Variants in GRB10 observed in about 807,000 individuals in gnomAD.
GRB10 encodes the protein growth factor receptor bound protein 10, also known as growth factor receptor-bound protein 10.
Under a neutral mutation model 80.9 loss-of-function variants are expected in GRB10, and 20 were observed. The ratio of observed to expected loss-of-function variants is 0.25; its 90% CI spans 0.17 to 0.36. The LOEUF (loss-of-function observed/expected upper bound fraction) is 0.36. GRB10 is among the 10% of genes least tolerant of loss of function. GRB10 has a pLI of 1.00. For missense variants in GRB10, 548 were observed against 747.7 expected (o/e 0.73, Z 3.12); for synonymous variants, 291 against 291.5 (o/e 1.00, Z 0.02).
At chr7:50,748,936 T>TA (rs1482160974) in intron 3 of GRB10, among the ~76,000 whole-genome samples, 1 of 152,174 alleles carries the variant, frequency 6.6e-6, no homozygotes, top group Admixed American at 6.5e-5. Flanking sequence ...CTCTACTTTA[T>TA]AAAGAGGTGC....
At chr7:50,636,465 A>G (rs960044194) in intron 7 of GRB10, among the ~76,000 whole-genome samples, 1 of 152,218 alleles carries the variant, frequency 6.6e-6, no homozygotes, top group Non-Finnish European at 1.5e-5. Context: ...ATAAAAACAT[A>G]GATGCAAAAA....
At chr7:50,772,685 G>A (rs60877714) in intron 2 of GRB10, among the ~76,000 whole-genome samples, 10,733 of 152,226 alleles carry the variant, frequency 0.071, 466 homozygotes, top group East Asian at 0.2. Context: ...TCTTTATATG[G>A]ACATTGGATT....
Position 50,591,558 on chromosome 7 carries a change from C to A in GRB10, c.*1394G>T, listed in dbSNP as rs1292545908. 6.6e-6 allele frequency: 1 copy of A among 152,284 alleles called. No homozygotes were observed. Among genetic ancestry groups the A allele is most frequent in the Non-Finnish European group, 1.5e-5 (1 of 68,082 alleles). 9.4% of individuals were successfully genotyped at this position (152,284 alleles called of 1,614,324 possible). A position where few individuals can be genotyped will look rare whatever the true frequency, so the allele number is the denominator to read the frequency against. ...AAAGGTAAGGAAATGGCCACTCTCA[C>A]ACCTGATCACTAAGCTAAGGGGACG... On this transcript the variant is annotated 3_prime_UTR_variant, in exon 19 of 19. Transcript: ENST00000401949.
chr7:50,619,278 G>A lies in GRB10; in HGVS notation c.669C>T (p.Cys223=), dbSNP rs765732874. The A allele has an allele frequency of 6.2e-7, 1 of 1,600,344 alleles. No homozygotes were observed. The highest frequency in any genetic ancestry group is 1.1e-5 in the South Asian group (1 of 90,816). Reference sequence around the variant, plus strand: ...GGACCACCAGCTCATGGTCTTCCAAGCACCTCTCTGCAGGGGCAAAGCATC... The same window carrying A: ...GGACCACCAGCTCATGGTCTTCCAAACACCTCTCTGCAGGGGCAAAGCATC... ...EHHPHLGLER[C]LEDHELVVQV... Residue 223 remains cysteine (C), a synonymous_variant, in exon 9 of 19, where the codon TGC becomes TGT. Transcript: ENST00000401949.
chr7:50,714,133 A>C (rs896799230), intron 4 of GRB10, among the ~76,000 whole-genome samples: 1 of 152,138 alleles, frequency 6.6e-6, no homozygotes, highest in Non-Finnish European at 1.5e-5. Flanking sequence ...CAAAAAGGCA[A>C]CTATTCAGAC....
intron 4 of GRB10, among the ~76,000 whole-genome samples, chr7:50,709,976 T>C (rs190914733): frequency 6.6e-5 from 10 of 152,258 alleles, no homozygotes; most frequent in Non-Finnish European, 1.5e-4. Context: ...CCAAAGTGAC[T>C]GCTGTATGCC....
chr7:50,668,214 A>G (rs906639509), intron 7 of GRB10, among the ~76,000 whole-genome samples: 8 of 152,132 alleles, frequency 5.3e-5, no homozygotes, highest in African/African-American at 1.9e-4. Context: ...GGGTATTGGA[A>G]AAAGGTCTCT....
intron 17 of GRB10, among the ~76,000 whole-genome samples, chr7:50,600,922 T>A (rs1281951032): frequency 6.6e-6 from 1 of 152,224 alleles, no homozygotes; most frequent in Non-Finnish European, 1.5e-5. Context: ...CAAAGATACA[T>A]GGCAAAATTA....
Position 50,633,660 on chromosome 7 carries a change from AG to A in GRB10, c.505-6683del, listed in dbSNP as rs556076740. ...TGAAAACCAACACAAAAAAACCAGA[AG>A]AGTAATTCTGGAGATGAAAGATGAG... is the stretch of plus-strand genomic sequence containing the variant. On this transcript the variant is annotated intron_variant, in intron 7 of 18. Coordinates refer to ENST00000401949, the MANE Select transcript of GRB10 (RefSeq NM_001350814.2). Among the ~76,000 whole-genome samples the A allele has an allele frequency of 7.9e-4, 120 of 152,064 alleles. 1 individual carries two copies. The highest frequency in any genetic ancestry group is 2.8e-3 in the African/African-American group (116 of 41,456).
chr7:50,611,638 G>A (rs1197372005), intron 13 of GRB10, among the ~76,000 whole-genome samples: 1 of 152,104 alleles, frequency 6.6e-6, no homozygotes, highest in African/African-American at 2.4e-5. Context: ...TGGATTACTG[G>A]GTGCAAAATG....
exon 1 of GRB10, chr7:50,793,259 T>C (rs1383368967): frequency 2.8e-5 from 4 of 140,924 alleles, no homozygotes; most frequent in African/African-American, 7.7e-5. Context: ...TCCGCGTGGC[T>C]GCGGGCGACA....
At chr7:50,680,641 T>C (rs2237481) in intron 5 of GRB10, among the ~76,000 whole-genome samples, 136,170 of 152,200 alleles carry the variant, frequency 0.89, 61,003 homozygotes, top group East Asian at 0.96. Flanking sequence ...ATTCAAAGTT[T>C]GTGATGACAT....
In GRB10 at chr7:50,764,832, C is replaced by T. The variant is rs187293410; in HGVS notation, c.-216-8776G>A. Among the ~76,000 whole-genome samples the T allele has an allele frequency of 3.9e-5, 6 of 152,160 alleles. No individual in the cohort carries two copies. The South Asian group carries it at 8.3e-4, about 21-fold the overall frequency. On this transcript the variant is annotated intron_variant, in intron 2 of 18. Transcript: ENST00000401949. ...AAGCACCAGGAATAAGCAACACTGC[C>T]GTAAAAAGGGGAAAGCAGTATATCT...
intron 5 of GRB10, among the ~76,000 whole-genome samples, chr7:50,675,089 T>C (rs1375859160): frequency 6.6e-6 from 1 of 151,864 alleles, no homozygotes; most frequent in Non-Finnish European, 1.5e-5. Flanking sequence ...ATTCCAGAAG[T>C]GAAACAAGAG....
intron 2 of GRB10, among the ~76,000 whole-genome samples, chr7:50,763,200 A>C (rs1439358935): frequency 6.6e-6 from 1 of 152,248 alleles, no homozygotes. Flanking sequence ...CTTTACTGAA[A>C]TAAGAGATAG....
At chr7:50,778,745 C>T (rs952815086) in intron 2 of GRB10, among the ~76,000 whole-genome samples, 10 of 152,214 alleles carry the variant, frequency 6.6e-5, no homozygotes, top group Non-Finnish European at 1.3e-4. Context: ...TGGAGGCCTT[C>T]CAGGTTCCAG....
At chr7:50,772,180 T>C (rs143841110) in intron 2 of GRB10, among the ~76,000 whole-genome samples, 124 of 152,242 alleles carry the variant, frequency 8.1e-4, no homozygotes, top group African/African-American at 2.9e-3. Context: ...AGAACCCCCC[T>C]TGCCTCTGAA....
Position 50,667,777 on chromosome 7 carries a change from C to T in GRB10, c.504+1945G>A, listed in dbSNP as rs1372734967. 2.0e-5 allele frequency among the ~76,000 whole-genome samples: 3 copies of T among 152,132 alleles called. No homozygotes were observed. The East Asian group carries it at 5.8e-4, about 29-fold the overall frequency. On this transcript the variant is annotated intron_variant, in intron 7 of 18. Coordinates refer to ENST00000401949, the MANE Select transcript of GRB10 (RefSeq NM_001350814.2). The stretch of plus-strand genomic sequence containing the variant: ...CTTGAGGACACGAGTGACACAGACA[C>T]CAATGCCACGTTCTCATGGGGAACA...
intron 2 of GRB10, 32 bp downstream of exon 2, chr7:50,780,595 G>A (rs142644038): frequency 2.0e-5 from 3 of 152,270 alleles, no homozygotes; most frequent in East Asian, 3.9e-4. Flanking sequence ...AGTCAGTTTC[G>A]TAGCTCAGAG....
Sources: allele counts gnomAD v4.1 joint callset (sites outside exome capture counted in the v4.1 genomes callset), GRCh38; gene constraint gnomAD v4.1.1; transcripts MANE v1.5; gene names NCBI Gene and HGNC (gene_info 2026-07-23, HGNC 2026-07-21).